The following CMTM7 variants were observed in gnomAD, a reference collection of about 807,000 sequenced individuals.
CMTM7 encodes the protein CKLF like MARVEL transmembrane domain containing 7, also known as CKLF-like MARVEL transmembrane domain-containing protein 7.
In CMTM7, 7 loss-of-function variants were observed where a neutral mutation model predicts 19.3. The ratio of observed to expected loss-of-function variants is 0.36; its 90% CI spans 0.21 to 0.68. The LOEUF (loss-of-function observed/expected upper bound fraction) is 0.68, where lower values mean the gene tolerates loss of function less well. CMTM7 is among the 30% of genes least tolerant of loss of function. CMTM7 has a pLI of 0.60. For synonymous variants in CMTM7, 87 were observed against 99.3 expected, an observed-to-expected ratio of 0.88 and a Z score of 0.74; for missense variants, 193 against 232.6, an observed-to-expected ratio of 0.83 and a Z score of 1.11.
chr3:32,397,790 A>C lies in CMTM7; in HGVS notation c.159+5725A>C, dbSNP rs116025021. Among the ~76,000 whole-genome samples the C allele has an allele frequency of 8.6e-3, 1,316 of 152,208 alleles. 16 individuals are homozygous for C. The highest frequency in any genetic ancestry group is 0.03 in the African/African-American group (1,226 of 41,518). On this transcript the variant is annotated intron_variant, in intron 1 of 4. Coordinates refer to ENST00000334983, the MANE Select transcript of CMTM7 (RefSeq NM_138410.4). Reference sequence around the variant, plus strand: ...CAACCATAAACATCATGTGACCAAGACTGCCCAACCCCCTGGGAATGTAAT... The same window carrying C: ...CAACCATAAACATCATGTGACCAAGCCTGCCCAACCCCCTGGGAATGTAAT...
At chr3:32,448,367 G>C (rs774490680) in intron 2 of CMTM7, among the ~76,000 whole-genome samples, 5 of 152,218 alleles carry the variant, frequency 3.3e-5, no homozygotes, top group Non-Finnish European at 5.9e-5. Context: ...AGCTTTGAGA[G>C]GAGCTACAGC....
intron 1 of CMTM7, among the ~76,000 whole-genome samples, chr3:32,406,148 G>A (rs1227296056): frequency 6.6e-6 from 1 of 152,174 alleles, no homozygotes; most frequent in African/African-American, 2.4e-5. Flanking sequence ...TGACTTGGAG[G>A]TAATTCCATA....
chr3:32,438,558 A>G (rs141473111), intron 1 of CMTM7, among the ~76,000 whole-genome samples: 41 of 152,256 alleles, frequency 2.7e-4, no homozygotes, highest in African/African-American at 8.2e-4. Flanking sequence ...ATCCCTGGGC[A>G]AAAAGGAAGC....
At chr3:32,427,515 A>G (rs1169452410) in intron 1 of CMTM7, among the ~76,000 whole-genome samples, 1 of 152,188 alleles carries the variant, frequency 6.6e-6, no homozygotes, top group South Asian at 2.1e-4. Flanking sequence ...ATAATACCAT[A>G]GCCACTAGCT....
At chr3:32,411,571 G>T (rs925019438) in intron 1 of CMTM7, among the ~76,000 whole-genome samples, 1 of 152,058 alleles carries the variant, frequency 6.6e-6, no homozygotes, top group Admixed American at 6.5e-5. Context: ...ACTGGCTTTT[G>T]ACTCCCACTT....
At chr3:32,427,362 A>T (rs537541228) in intron 1 of CMTM7, among the ~76,000 whole-genome samples, 2 of 152,276 alleles carry the variant, frequency 1.3e-5, no homozygotes, top group East Asian at 3.9e-4. Flanking sequence ...CCTGGATCTG[A>T]AGGAAGTTTC....
In CMTM7 at chr3:32,391,956, C is replaced by CGCTCGGACCCGGGGCCG; in HGVS notation, c.53_69dup (p.Ala24SerfsTer31). On this transcript the variant is annotated frameshift_variant, in exon 1 of 5. Coordinates refer to ENST00000334983, the MANE Select transcript of CMTM7 (RefSeq NM_138410.4). LOFTEE classifies it high-confidence loss of function. Reference sequence around the variant, plus strand: ...CGCACCACGTGCAGCAGCGGCAGCGCGCTCGGACCCGGGGCCGGCGCGGCC... The same window carrying CGCTCGGACCCGGGGCCG: ...CGCACCACGTGCAGCAGCGGCAGCGCGCTCGGACCCGGGGCCGGCTCGGACCCGGGGCCGGCGCGGCC... 1 of 1,230,746 alleles carries CGCTCGGACCCGGGGCCG rather than the reference C, an allele frequency of 8.1e-7. No individual in the cohort carries two copies. Among genetic ancestry groups the CGCTCGGACCCGGGGCCG allele is most frequent in the Non-Finnish European group, 1.0e-6 (1 of 986,444 alleles). 76.2% of individuals were successfully genotyped at this position (1,230,746 alleles called of 1,614,324 possible). A position where few individuals can be genotyped will look rare whatever the true frequency, so the allele number is the denominator to read the frequency against.
At chr3:32,452,108 T>G (rs977107433) in intron 3 of CMTM7, 10 of 1,438,986 alleles carry the variant, frequency 6.9e-6, no homozygotes, top group Non-Finnish European at 8.3e-6. Context: ...TGCTTGTAAA[T>G]GTAAACCCAG....
At chr3:32,422,784 A>G (rs1389294211) in intron 1 of CMTM7, among the ~76,000 whole-genome samples, 1 of 152,212 alleles carries the variant, frequency 6.6e-6, no homozygotes. Flanking sequence ...TCAACCTACC[A>G]AACATTATAG....
chr3:32,402,771 G>A (rs931079312), intron 1 of CMTM7, among the ~76,000 whole-genome samples: 4 of 151,924 alleles, frequency 2.6e-5, no homozygotes, highest in African/African-American at 9.7e-5. Flanking sequence ...TCACCATGTG[G>A]CCAGGCTGGT....
chr3:32,450,634 C>T (rs77036319), intron 3 of CMTM7, among the ~76,000 whole-genome samples: 12,310 of 152,172 alleles, frequency 0.081, 569 homozygotes, highest in Middle Eastern at 0.13. Flanking sequence ...CCCACCATCA[C>T]ACCTCTCTGC....
intron 1 of CMTM7, among the ~76,000 whole-genome samples, chr3:32,438,764 C>T (rs1696635061): frequency 6.6e-6 from 1 of 152,250 alleles, no homozygotes; most frequent in African/African-American, 2.4e-5. Context: ...TCCTACTACA[C>T]AGTACTCAGC....
chr3:32,412,500 C>T (rs1353979688), intron 1 of CMTM7, among the ~76,000 whole-genome samples: 9 of 54,292 alleles, frequency 1.7e-4, no homozygotes, highest in African/African-American at 4.0e-4. Context: ...CACACACACA[C>T]ACACACACAC....
chr3:32,414,779 A>G (rs1252381933), intron 1 of CMTM7, among the ~76,000 whole-genome samples: 4 of 152,240 alleles, frequency 2.6e-5, no homozygotes, highest in African/African-American at 9.6e-5. Flanking sequence ...TCTTGTGGGC[A>G]GAGCATGTGA....
At chr3:32,417,823 T>C (rs1696289720) in intron 1 of CMTM7, among the ~76,000 whole-genome samples, 1 of 152,044 alleles carries the variant, frequency 6.6e-6, no homozygotes, top group Non-Finnish European at 1.5e-5. Context: ...GGTTTTTTTT[T>C]TGTTTGTTTA....
chr3:32,408,201 G>A (rs965288408), intron 1 of CMTM7, among the ~76,000 whole-genome samples: 5 of 152,182 alleles, frequency 3.3e-5, no homozygotes, highest in Non-Finnish European at 7.4e-5. Context: ...CAATGATAGC[G>A]ATTTCAGACT....
In CMTM7 at chr3:32,410,873, G is replaced by A. The variant is rs1300434958; in HGVS notation, c.159+18808G>A. On this transcript the variant is annotated intron_variant, in intron 1 of 4. Transcript: ENST00000334983. ...TCTGTCAGCTCATCAAGCTCTCAGGGCAGGGTTTCTAATTTAAAGCAACAC... is the reference window on the plus strand; with the variant it reads ...TCTGTCAGCTCATCAAGCTCTCAGGACAGGGTTTCTAATTTAAAGCAACAC... 2.6e-5 allele frequency among the ~76,000 whole-genome samples: 4 copies of A among 152,206 alleles called. No individual in the cohort carries two copies. The East Asian group carries it at 7.7e-4, about 29-fold the overall frequency.
At position 32,449,389 on chromosome 3, in the gene CMTM7, A is replaced by G; in HGVS notation, c.334-65A>G. On this transcript the variant is annotated intron_variant, in intron 2 of 4. Coordinates refer to ENST00000334983, the MANE Select transcript of CMTM7 (RefSeq NM_138410.4). The surrounding 1 kb of genome is among the most constrained non-coding windows in gnomAD (Gnocchi z 4.5). ...TTTCTTTTCATGTCTTCTGATGCCC[A>G]GTTGCTCTTCCCGGACCAGAAATGG... 1 of 1,041,218 alleles carries G rather than the reference A, an allele frequency of 9.6e-7. No individual in the cohort carries two copies. The highest frequency in any genetic ancestry group is 1.5e-6 in the Non-Finnish European group (1 of 656,954). The allele number at this position is 1,041,218 out of a possible 1,614,324, so 64.5% of individuals were successfully genotyped here. A position where few individuals can be genotyped will look rare whatever the true frequency, so the allele number is the denominator to read the frequency against.
At chr3:32,452,114 C>A (rs922542355) in intron 3 of CMTM7, 2 of 1,447,146 alleles carry the variant, frequency 1.4e-6, no homozygotes, top group Non-Finnish European at 1.8e-6. Flanking sequence ...TAAATGTAAA[C>A]CCAGACCAGG....
Sources: gnomAD v4.1 joint callset for allele counts (sites outside exome capture counted in the v4.1 genomes callset) on GRCh38, gnomAD v4.1.1 for gene constraint, Gnocchi (gnomAD v3.1) non-coding constraint, MANE v1.5 for transcripts, NCBI Gene and HGNC (gene_info 2026-07-23, HGNC 2026-07-21) for gene names.